The following PRKG1 variants were observed in gnomAD, a reference collection of about 807,000 sequenced individuals.
The protein encoded by PRKG1 is cGMP-dependent protein kinase 1.
In PRKG1, 35 loss-of-function variants were observed where a neutral mutation model predicts 88.1. The ratio of observed to expected loss-of-function variants is 0.40; its 90% CI spans 0.30 to 0.53. PRKG1 has a LOEUF of 0.53. Ranked by LOEUF, PRKG1 falls within the 20% of genes least tolerant of loss-of-function variation. PRKG1 has a pLI of 0.59. For synonymous variants in PRKG1, 303 were observed against 292.5 expected (o/e 1.04, Z -0.37); for missense variants, 540 against 839.8 (o/e 0.64, Z 4.41).
chr10:51,690,004 A>G (rs907898954), intron 3 of PRKG1, among the ~76,000 whole-genome samples: 1 of 152,202 alleles, frequency 6.6e-6, no homozygotes, highest in Non-Finnish European at 1.5e-5. Flanking sequence ...TAATTGGCTC[A>G]TGTTTCTGCA....
chr10:52,251,862 C>G lies in PRKG1; in HGVS notation c.1173+196C>G, dbSNP rs188467114. The G allele has an allele frequency of 6.2e-6, 3 of 487,014 alleles. No individual in the cohort carries two copies. In the East Asian group the frequency reaches 9.7e-5, roughly 16 times the overall value. 30.2% of individuals were successfully genotyped at this position (487,014 alleles called of 1,614,324 possible). ...GTGGGCTAAATTATGCAGTCAACGA[C>G]TAAAAATAAAATAACACCTTGCTTT... On this transcript the variant is annotated intron_variant, in intron 10 of 17. Transcript: ENST00000373980.
chr10:51,886,887 T>G (rs1841583232), intron 4 of PRKG1, among the ~76,000 whole-genome samples: 1 of 152,202 alleles, frequency 6.6e-6, no homozygotes. Context: ...CATCCTTATC[T>G]GCAAGCTCAC....
intron 3 of PRKG1, among the ~76,000 whole-genome samples, chr10:51,569,719 A>G (rs1837696927): frequency 6.6e-6 from 1 of 151,890 alleles, no homozygotes; most frequent in African/African-American, 2.4e-5. Flanking sequence ...ACCAACCAGA[A>G]CTACAGTTAC....
At chr10:52,097,943 T>C (rs1014044673) in intron 7 of PRKG1, among the ~76,000 whole-genome samples, 1 of 152,016 alleles carries the variant, frequency 6.6e-6, no homozygotes, top group Non-Finnish European at 1.5e-5. Context: ...TCTCTAAAGG[T>C]AAGGTTTTCT....
intron 1 of PRKG1, among the ~76,000 whole-genome samples, chr10:50,993,243 C>T (rs1454106798): frequency 6.6e-6 from 1 of 152,168 alleles, no homozygotes; most frequent in East Asian, 1.9e-4. Flanking sequence ...AGAAAGGACT[C>T]CTCTTAAGGA....
chr10:52,233,581 C>T lies in PRKG1; in HGVS notation c.1077-17989C>T, dbSNP rs1385138296. 1.0e-3 allele frequency among the ~76,000 whole-genome samples: 154 copies of T among 147,914 alleles called. 1 individual carries two copies. The highest frequency in any genetic ancestry group is 1.9e-3 in the Non-Finnish European group (127 of 66,758). ...CGCACCTGGAAAATCGGGTCACTCC[C>T]ACCCGAATATTGCGCTTTTCAGACC... On this transcript the variant is annotated intron_variant, in intron 9 of 17. Coordinates refer to ENST00000373980, the MANE Select transcript of PRKG1 (RefSeq NM_006258.4).
At chr10:51,252,123 A>G (rs895040378) in intron 2 of PRKG1, among the ~76,000 whole-genome samples, 3 of 151,764 alleles carry the variant, frequency 2.0e-5, no homozygotes, top group African/African-American at 4.8e-5. Context: ...GTCAGATCAG[A>G]CCATATACTG....
intron 5 of PRKG1, among the ~76,000 whole-genome samples, chr10:51,934,959 C>G (rs988646072): frequency 6.6e-6 from 1 of 152,104 alleles, no homozygotes; most frequent in African/African-American, 2.4e-5. Context: ...TTGGGCAGAA[C>G]TATGAGGTGG....
At chr10:51,560,333 C>T (rs1837426148) in intron 3 of PRKG1, among the ~76,000 whole-genome samples, 1 of 152,004 alleles carries the variant, frequency 6.6e-6, no homozygotes, top group South Asian at 2.1e-4. Context: ...TGCACAAAAG[C>T]CAAGCTAATT....
chr10:51,077,757 A>G (rs1441346829), intron 1 of PRKG1, among the ~76,000 whole-genome samples: 1 of 152,194 alleles, frequency 6.6e-6, no homozygotes, highest in African/African-American at 2.4e-5. Context: ...TATAGATACA[A>G]TACTTATGTG....
intron 1 of PRKG1, among the ~76,000 whole-genome samples, chr10:51,018,278 A>G (rs1486358026): frequency 6.6e-6 from 1 of 152,186 alleles, no homozygotes; most frequent in Non-Finnish European, 1.5e-5. Context: ...CTTTCACATT[A>G]AAAGTGTCAT....
chr10:51,638,998 G>T (rs1380685982), intron 3 of PRKG1, among the ~76,000 whole-genome samples: 4 of 152,092 alleles, frequency 2.6e-5, no homozygotes, highest in Non-Finnish European at 5.9e-5. Flanking sequence ...AATTAAGAAG[G>T]AAGACTGTGG....
At chr10:52,196,564 A>G (rs1839512794) in intron 9 of PRKG1, among the ~76,000 whole-genome samples, 1 of 152,142 alleles carries the variant, frequency 6.6e-6, no homozygotes, top group African/African-American at 2.4e-5. Flanking sequence ...TTTACCAACA[A>G]CGAAAGATAC....
In PRKG1 at chr10:51,859,960, A is replaced by C. The variant is rs115823808; in HGVS notation, c.699-47547A>C. 4.9e-3 allele frequency among the ~76,000 whole-genome samples: 749 copies of C among 152,306 alleles called. 11 individuals carry two copies. The highest frequency in any genetic ancestry group is 0.017 in the African/African-American group (707 of 41,574). On this transcript the variant is annotated intron_variant, in intron 4 of 17. Transcript: ENST00000373980. ...CTGGCATATAGCAAATACTAATCAT[A>C]TATAGTTCTACGTATGTTACATGTG...
intron 2 of PRKG1, among the ~76,000 whole-genome samples, chr10:51,358,407 A>ACAC (rs1005438874): frequency 6.6e-6 from 1 of 151,846 alleles, no homozygotes; most frequent in African/African-American, 2.4e-5. Flanking sequence ...GACAGACACA[A>ACAC]CTCTCAAGTG....
chr10:52,000,577 A>G (rs955505280), intron 5 of PRKG1, among the ~76,000 whole-genome samples: 1 of 152,020 alleles, frequency 6.6e-6, no homozygotes, highest in African/African-American at 2.4e-5. Context: ...GTAATACAGA[A>G]TTGGTTGTGA....
At chr10:51,564,784 G>T (rs1373437447) in intron 3 of PRKG1, among the ~76,000 whole-genome samples, 1 of 151,978 alleles carries the variant, frequency 6.6e-6, no homozygotes, top group Non-Finnish European at 1.5e-5. Context: ...TTCAAGCCTT[G>T]TTTTTTCATT....
chr10:52,033,310 T>C (rs943082687), intron 5 of PRKG1, among the ~76,000 whole-genome samples: 1 of 152,120 alleles, frequency 6.6e-6, no homozygotes, highest in African/African-American at 2.4e-5. Context: ...TTCATTCAAG[T>C]GGTCAAGGTT....
intron 1 of PRKG1, among the ~76,000 whole-genome samples, chr10:51,041,712 T>C (rs1345648440): frequency 6.6e-6 from 1 of 152,210 alleles, no homozygotes; most frequent in Admixed American, 6.5e-5. Flanking sequence ...GACAAAGTCC[T>C]CTTTACATCA....
Sources: gnomAD v4.1 joint callset for allele counts (sites outside exome capture counted in the v4.1 genomes callset) on GRCh38, gnomAD v4.1.1 for gene constraint, MANE v1.5 for transcripts, NCBI Gene and HGNC (gene_info 2026-07-23, HGNC 2026-07-21) for gene names.